The following NRXN1 variants were observed in gnomAD, a reference collection of about 807,000 sequenced individuals.
NRXN1 encodes the protein neurexin-1.
NRXN1 carries 39 observed loss-of-function variants against 150.9 expected under a neutral mutation model. The observed-to-expected ratio is 0.26, with a 90% CI of 0.20 to 0.34. The LOEUF (loss-of-function observed/expected upper bound fraction) is 0.34. NRXN1 is among the 10% of genes least tolerant of loss of function. The probability of loss-of-function intolerance (pLI) is 1.00; values close to 1 mark genes in which losing one functional copy is unlikely to be tolerated. For synonymous variants in NRXN1, 924 were observed against 757.0 expected (o/e 1.22, Z -3.62); for missense variants, 1,815 against 1,949.9 (o/e 0.93, Z 1.30).
At chr2:50,995,518 T>C (rs1216820779) in intron 2 of NRXN1, among the ~76,000 whole-genome samples, 1 of 148,792 alleles carries the variant, frequency 6.7e-6, no homozygotes, top group African/African-American at 2.5e-5. Context: ...GGCAGGAAAA[T>C]CGCATGAACC....
chr2:50,621,672 T>C (rs1460902955), intron 6 of NRXN1, among the ~76,000 whole-genome samples: 1 of 152,072 alleles, frequency 6.6e-6, no homozygotes, highest in Non-Finnish European at 1.5e-5. Context: ...TCCTCCACCC[T>C]GGCCCACCCC....
At chr2:50,054,764 C>T (rs183514402) in intron 20 of NRXN1, among the ~76,000 whole-genome samples, 191 bp downstream of exon 20, 11 of 152,026 alleles carry the variant, frequency 7.2e-5, no homozygotes, top group African/African-American at 1.7e-4. Flanking sequence ...ACAGCTGGTA[C>T]GTCTAAAAAT....
intron 2 of NRXN1, among the ~76,000 whole-genome samples, chr2:50,980,060 C>T (rs574473821): frequency 2.4e-4 from 36 of 152,166 alleles, no homozygotes; most frequent in Admixed American, 1.4e-3. Flanking sequence ...ATTTGCATAT[C>T]GTTCTCTTAG....
intron 2 of NRXN1, among the ~76,000 whole-genome samples, chr2:50,939,451 TATTA>T (rs1689073010): frequency 6.6e-6 from 1 of 152,004 alleles, no homozygotes; most frequent in African/African-American, 2.4e-5. Context: ...ATTTATGATT[TATTA>T]TTTATAATAA....
chr2:50,838,188 AAT>A (rs2105916699), intron 5 of NRXN1, among the ~76,000 whole-genome samples: 1 of 152,272 alleles, frequency 6.6e-6, no homozygotes, highest in South Asian at 2.1e-4. Context: ...TCTTATCAGC[AAT>A]GTTAGTGTAG....
rs575916087 is a variant in NRXN1 at position 50,935,754 on chromosome 2, T to C, written c.773-9799A>G. On this transcript the variant is annotated intron_variant, in intron 2 of 22. Transcript: ENST00000401669. Reference sequence around the variant, plus strand: ...ACAAAAAAGTAACCCGAATATGGAATGGTAGAAAAGCAAAAGAAAAAAAAA... The same window carrying C: ...ACAAAAAAGTAACCCGAATATGGAACGGTAGAAAAGCAAAAGAAAAAAAAA... Among the ~76,000 whole-genome samples the C allele has an allele frequency of 1.0e-4, 15 of 150,610 alleles. No individual in the cohort carries two copies. The East Asian group carries it at 2.6e-3, about 26-fold the overall frequency.
chr2:50,609,757 A>AT (rs1385391841), intron 8 of NRXN1, among the ~76,000 whole-genome samples: 1 of 152,170 alleles, frequency 6.6e-6, no homozygotes, highest in Non-Finnish European at 1.5e-5. Flanking sequence ...AAATACGTCC[A>AT]TATTTCAAGG....
chr2:50,578,925 C>T (rs1671837827), intron 8 of NRXN1, among the ~76,000 whole-genome samples: 1 of 152,124 alleles, frequency 6.6e-6, no homozygotes, highest in Non-Finnish European at 1.5e-5. Context: ...TTGCTCTCAA[C>T]ACTGAGGGCA....
chr2:49,964,424 CA>C, intron 21 of NRXN1, among the ~76,000 whole-genome samples: 1 of 150,776 alleles, frequency 6.6e-6, no homozygotes, highest in African/African-American at 2.4e-5. Context: ...ACTAAAAATA[CA>C]AAAAATTAAT....
chr2:49,977,930 G>A (rs934712791), intron 21 of NRXN1, among the ~76,000 whole-genome samples: 1 of 152,144 alleles, frequency 6.6e-6, no homozygotes, highest in African/African-American at 2.4e-5. Flanking sequence ...TTGGGATGCT[G>A]AGTCGAGTGG....
chr2:50,543,005 TG>T, intron 9 of NRXN1, among the ~76,000 whole-genome samples: 1 of 152,286 alleles, frequency 6.6e-6, no homozygotes, highest in South Asian at 2.1e-4. Flanking sequence ...TATTTAAACC[TG>T]GTTCATTGAT....
At chr2:50,444,785 T>C (rs1479117258) in intron 17 of NRXN1, among the ~76,000 whole-genome samples, 5 of 152,192 alleles carry the variant, frequency 3.3e-5, no homozygotes, top group Non-Finnish European at 7.3e-5. Context: ...TGAGCTGTAC[T>C]GGAGCCTGAG....
Position 50,346,772 on chromosome 2 carries a change from G to C in NRXN1, c.3365-109802C>G, listed in dbSNP as rs1201104711. On this transcript the variant is annotated intron_variant, in intron 17 of 22. Coordinates refer to ENST00000401669, the MANE Select transcript of NRXN1 (RefSeq NM_001330078.2). The surrounding 1 kb of genome is among the most constrained non-coding windows in gnomAD (Gnocchi z 5.0). Reference sequence around the variant, plus strand: ...TGCTTGCTGCTGCCATGGAAATGGTGGATGTGGTGCGCTCCCAAACTGGAT... The same window carrying C: ...TGCTTGCTGCTGCCATGGAAATGGTCGATGTGGTGCGCTCCCAAACTGGAT... The C allele has an allele frequency of 3.7e-6, 6 of 1,613,858 alleles. No individual in the cohort carries two copies. Among genetic ancestry groups the C allele is most frequent in the Non-Finnish European group, 5.1e-6 (6 of 1,179,974 alleles).
At chr2:50,153,128 T>C (rs1395355251) in intron 18 of NRXN1, among the ~76,000 whole-genome samples, 4 of 151,766 alleles carry the variant, frequency 2.6e-5, no homozygotes, top group African/African-American at 9.7e-5. Context: ...TTTTATTCCC[T>C]CTAGTAAATT....
intron 17 of NRXN1, among the ~76,000 whole-genome samples, chr2:50,366,269 C>T (rs941692489): frequency 2.0e-5 from 3 of 150,632 alleles, no homozygotes; most frequent in African/African-American, 7.3e-5. Flanking sequence ...TGTAATAAGA[C>T]TCAGATCCAG....
At chr2:50,255,286 T>G (rs1296228587) in intron 17 of NRXN1, among the ~76,000 whole-genome samples, 1 of 152,138 alleles carries the variant, frequency 6.6e-6, no homozygotes, top group Non-Finnish European at 1.5e-5. Context: ...GGAAATGGAT[T>G]TTCAAGTGAA....
chr2:50,483,026 G>A (rs562003213), intron 15 of NRXN1, among the ~76,000 whole-genome samples: 2 of 141,818 alleles, frequency 1.4e-5, no homozygotes, highest in East Asian at 4.1e-4. Flanking sequence ...ACTCCAGCCT[G>A]GGCGACAGGG....
At chr2:50,320,413 T>C (rs985834006) in intron 17 of NRXN1, among the ~76,000 whole-genome samples, 1 of 149,150 alleles carries the variant, frequency 6.7e-6, no homozygotes, top group East Asian at 2.0e-4. Context: ...TATCTTACTA[T>C]AAAAATGTTA....
chr2:50,983,925 A>C (rs1459945142), intron 2 of NRXN1, among the ~76,000 whole-genome samples: 1 of 151,918 alleles, frequency 6.6e-6, no homozygotes, highest in Non-Finnish European at 1.5e-5. Flanking sequence ...GCTGGCAAAA[A>C]GCTAGAGCAA....
Sources: gnomAD v4.1 joint callset for allele counts (sites outside exome capture counted in the v4.1 genomes callset) on GRCh38, gnomAD v4.1.1 for gene constraint, Gnocchi (gnomAD v3.1) non-coding constraint, MANE v1.5 for transcripts, NCBI Gene and HGNC (gene_info 2026-07-23, HGNC 2026-07-21) for gene names.